The following GPR107 variants were observed in gnomAD, a reference collection of about 807,000 sequenced individuals.
GPR107 encodes G protein-coupled receptor 107.
GPR107 carries 31 observed loss-of-function variants against 75.5 expected under a neutral mutation model. The observed-to-expected ratio is 0.41, with a 90% CI of 0.31 to 0.55. The LOEUF is 0.55. GPR107 is among the 20% of genes least tolerant of loss of function. GPR107 has a pLI of 0.26. For synonymous variants in GPR107, 267 were observed against 251.3 expected (o/e 1.06, Z -0.59); for missense variants, 572 against 665.7 (o/e 0.86, Z 1.55).
At chr9:130,057,038 A>T (rs1015576571) in intron 1 of GPR107, among the ~76,000 whole-genome samples, 2 of 151,506 alleles carry the variant, frequency 1.3e-5, no homozygotes, top group African/African-American at 4.9e-5. Flanking sequence ...GTTCTTGCCC[A>T]AGGAAATGGA....
At chr9:130,116,569 C>G (rs945548961) in intron 14 of GPR107, among the ~76,000 whole-genome samples, 1 of 152,200 alleles carries the variant, frequency 6.6e-6, no homozygotes, top group Non-Finnish European at 1.5e-5. Context: ...ACTGGCATAG[C>G]TCACAGCATT....
At chr9:130,069,793 C>A (rs1830156341) in intron 1 of GPR107, among the ~76,000 whole-genome samples, 1 of 152,026 alleles carries the variant, frequency 6.6e-6, no homozygotes, top group African/African-American at 2.4e-5. Flanking sequence ...TCAAGCGATT[C>A]TCTTGCCTCA....
Position 130,085,483 on chromosome 9 carries a change from C to T in GPR107, c.565-937C>T, listed in dbSNP as rs7855193. On this transcript the variant is annotated intron_variant, in intron 6 of 17. Transcript: ENST00000347136. Reference sequence around the variant, plus strand: ...TAAAATAAACTGTAGATATGTAAAGCAGCAATCTGATAACTTTGACTTATC... The same window carrying T: ...TAAAATAAACTGTAGATATGTAAAGTAGCAATCTGATAACTTTGACTTATC... Among the ~76,000 whole-genome samples, 837 of 152,212 alleles carry T rather than the reference C, an allele frequency of 5.5e-3. 10 individuals carry two copies. Among genetic ancestry groups the T allele is most frequent in the African/African-American group, 0.019 (778 of 41,542 alleles).
At chr9:130,091,946 G>A (rs1020508239) in intron 8 of GPR107, among the ~76,000 whole-genome samples, 14 of 151,258 alleles carry the variant, frequency 9.3e-5, no homozygotes, top group Admixed American at 1.3e-4. Context: ...CACCTACCTC[G>A]GCCTCCCAAA....
At chr9:130,110,774 C>T (rs1831278024) in intron 14 of GPR107, among the ~76,000 whole-genome samples, 1 of 152,056 alleles carries the variant, frequency 6.6e-6, no homozygotes, top group Non-Finnish European at 1.5e-5. Context: ...TGCGGGAAAG[C>T]GGGAGTGGGC....
chr9:130,101,887 C>T (rs955078352), intron 12 of GPR107, among the ~76,000 whole-genome samples: 1 of 152,186 alleles, frequency 6.6e-6, no homozygotes, highest in Admixed American at 6.5e-5. Flanking sequence ...TTTTGGAGCA[C>T]AAAGTAAATG....
chr9:130,125,090 CTTTTTTTT>C (rs11461385), intron 15 of GPR107, 126 bp downstream of exon 15: 5 of 158,170 alleles, frequency 3.2e-5, no homozygotes, highest in Admixed American at 1.5e-4. Flanking sequence ...GTGTGGCTTG[CTTTTTTTT>C]TTTTTTTTTT....
chr9:130,066,714 G>A (rs1464448790), intron 1 of GPR107, among the ~76,000 whole-genome samples: 6 of 152,048 alleles, frequency 3.9e-5, no homozygotes, highest in African/African-American at 1.4e-4. Flanking sequence ...GGCCGGGCGC[G>A]GTGGCTCATG....
chr9:130,098,022 C>T (rs958429608), intron 9 of GPR107, among the ~76,000 whole-genome samples: 1 of 152,136 alleles, frequency 6.6e-6, no homozygotes, highest in Non-Finnish European at 1.5e-5. Context: ...GCTGGGACTA[C>T]AGGTGTGCAC....
At chr9:130,079,242 C>A (rs944587680) in intron 4 of GPR107, among the ~76,000 whole-genome samples, 4 of 152,178 alleles carry the variant, frequency 2.6e-5, no homozygotes, top group African/African-American at 9.7e-5. Flanking sequence ...AGATTACAGG[C>A]GTGAGCCACC....
chr9:130,080,483 A>ATTTG (rs952681454), intron 5 of GPR107, among the ~76,000 whole-genome samples: 1 of 150,360 alleles, frequency 6.7e-6, no homozygotes, highest in African/African-American at 2.4e-5. Flanking sequence ...TTATTTATTT[A>ATTTG]TTTATTTATT....
At chr9:130,069,885 C>T (rs916645389) in intron 1 of GPR107, among the ~76,000 whole-genome samples, 2 of 149,370 alleles carry the variant, frequency 1.3e-5, no homozygotes, top group Admixed American at 6.7e-5. Context: ...GGGGTTTCAT[C>T]ATGTTGGCCA....
At chr9:130,077,751 G>C (rs574309633) in intron 4 of GPR107, among the ~76,000 whole-genome samples, 1 of 152,296 alleles carries the variant, frequency 6.6e-6, no homozygotes, top group African/African-American at 2.4e-5. Flanking sequence ...CTGGGTCCAC[G>C]TAATGGCTTC....
rs1830758972 is a variant in GPR107, at chr9:130,092,393, C to T, written c.863+12C>T. The T allele has an allele frequency of 6.2e-7, 1 of 1,605,018 alleles. No individual in the cohort carries two copies. Among genetic ancestry groups the T allele is most frequent in the South Asian group, 1.1e-5 (1 of 90,926 alleles). On this transcript the variant is annotated intron_variant, in intron 9 of 17. Transcript: ENST00000347136. ...CTTCGAAAACGACGGTAAACTATTT[C>T]TCCCTTCAACTTAAGAGTGTGTTGA...
intron 1 of GPR107, among the ~76,000 whole-genome samples, chr9:130,071,035 C>CTTTTTTTTTT (rs56799662): frequency 1.0e-5 from 1 of 98,178 alleles, no homozygotes; most frequent in Non-Finnish European, 1.8e-5. Flanking sequence ...TTTTTTTTTT[C>CTTTTTTTTTT]TTTTTTTTTT....
chr9:130,097,502 A>G (rs1425340040), intron 9 of GPR107, among the ~76,000 whole-genome samples: 1 of 152,082 alleles, frequency 6.6e-6, no homozygotes, highest in East Asian at 1.9e-4. Flanking sequence ...TGTGGCATAT[A>G]GGTTTATACG....
intron 1 of GPR107, among the ~76,000 whole-genome samples, chr9:130,056,572 AGT>A (rs1829795316): frequency 6.6e-6 from 1 of 152,218 alleles, no homozygotes; most frequent in South Asian, 2.1e-4. Context: ...ATAGACTAAC[AGT>A]AACCATAGCT....
chr9:130,138,460 CCCTCCT>C lies in GPR107; in HGVS notation c.*3344_*3349del, dbSNP rs1554900312. Reference sequence around the variant, plus strand: ...CCCTTCCCCCTTCCCCATCCCCTCCCCCTCCTCCTCTGCCCTCGCCCTTACCCCTCC... The same window carrying C: ...CCCTTCCCCCTTCCCCATCCCCTCCCCCTCTGCCCTCGCCCTTACCCCTCC... On this transcript the variant is annotated 3_prime_UTR_variant, in exon 18 of 18. Coordinates refer to ENST00000347136, the MANE Select transcript of GPR107 (RefSeq NM_020960.5). 1 of 142,048 alleles carries C rather than the reference CCCTCCT, an allele frequency of 7.0e-6. No individual in the cohort carries two copies. Among genetic ancestry groups the C allele is most frequent in the African/African-American group, 2.6e-5 (1 of 38,006 alleles). 8.8% of individuals were successfully genotyped at this position (142,048 alleles called of 1,614,324 possible).
chr9:130,090,906 G>C lies in GPR107; in HGVS notation c.652G>C (p.Glu218Gln). ...FFFNISTDDQ[E>Q]GLYSLYFHKC... Reference sequence around the variant, plus strand: ...CTTTAACATCAGCACTGATGACCAAGAAGGCCTTTACAGTCTTTATTTTCA... The same window carrying C: ...CTTTAACATCAGCACTGATGACCAACAAGGCCTTTACAGTCTTTATTTTCA... Residue 218 changes from glutamate (E) to glutamine (Q), a missense_variant, in exon 8 of 18, where the codon GAA becomes CAA. Coordinates refer to ENST00000347136, the MANE Select transcript of GPR107 (RefSeq NM_020960.5). 1 of 1,515,304 alleles carries C rather than the reference G, an allele frequency of 6.6e-7. No individual in the cohort carries two copies. The highest frequency in any genetic ancestry group is 9.2e-7 in the Non-Finnish European group (1 of 1,091,288). The allele number at this position is 1,515,304 out of a possible 1,614,324, so 93.9% of individuals were successfully genotyped here. A position where few individuals can be genotyped will look rare whatever the true frequency, so the allele number is the denominator to read the frequency against.
Sources: allele counts gnomAD v4.1 joint callset (sites outside exome capture counted in the v4.1 genomes callset), GRCh38; gene constraint gnomAD v4.1.1; transcripts MANE v1.5; gene names NCBI Gene and HGNC (gene_info 2026-07-23, HGNC 2026-07-21).